SMYD3: variants seen among roughly 807,000 people sequenced by gnomAD.
SMYD3 encodes the protein SET and MYND domain containing 3.
In SMYD3, 36 loss-of-function variants were observed where a neutral mutation model predicts 57.7. The ratio of observed to expected loss-of-function variants is 0.62; its 90% confidence interval spans 0.48 to 0.82. The LOEUF is 0.82. Among genes scored for constraint, SMYD3 ranks in the 40% least tolerant of loss-of-function variants. The pLI is 0.00. For synonymous variants in SMYD3, 211 were observed against 195.0 expected (o/e 1.08, Z -0.68); for missense variants, 515 against 538.8 (o/e 0.96, Z 0.44).
intron 1 of SMYD3, among the ~76,000 whole-genome samples, chr1:246,419,509 A>T (rs2067110580): frequency 6.6e-6 from 1 of 152,170 alleles, no homozygotes; most frequent in Non-Finnish European, 1.5e-5. Flanking sequence ...GTCTTGGAAA[A>T]TGCAACATTT....
At chr1:245,816,704 G>A (rs958309354) in intron 10 of SMYD3, among the ~76,000 whole-genome samples, 1 of 152,104 alleles carries the variant, frequency 6.6e-6, no homozygotes, top group Non-Finnish European at 1.5e-5. Context: ...CCGTGCGCGA[G>A]CCGAAGCAGG....
intron 10 of SMYD3, among the ~76,000 whole-genome samples, chr1:245,852,318 AC>A (rs11301005): frequency 0.72 from 109,262 of 152,024 alleles, 40,417 homozygotes; most frequent in Middle Eastern, 0.87. Context: ...TCATTCTCAC[AC>A]CAACCAGTAG....
At chr1:245,930,313 A>AT in intron 5 of SMYD3, 1 of 360,032 alleles carries the variant, frequency 2.8e-6, no homozygotes. Context: ...CTGTATCACG[A>AT]TTTTTTCAAA....
chr1:246,358,543 A>G (rs938145886), intron 1 of SMYD3, among the ~76,000 whole-genome samples: 1 of 152,242 alleles, frequency 6.6e-6, no homozygotes, highest in Non-Finnish European at 1.5e-5. Flanking sequence ...AAAATTCTCC[A>G]AGATAGAACA....
intron 5 of SMYD3, among the ~76,000 whole-genome samples, chr1:246,160,813 G>A (rs1308402138): frequency 1.3e-5 from 2 of 152,126 alleles, no homozygotes; most frequent in Non-Finnish European, 2.9e-5. Context: ...AAGCATTGGG[G>A]AAATACTTTC....
At chr1:245,771,584 A>C (rs1432266163) in intron 10 of SMYD3, among the ~76,000 whole-genome samples, 1 of 152,204 alleles carries the variant, frequency 6.6e-6, no homozygotes, top group African/African-American at 2.4e-5. Flanking sequence ...TAGCTAGAAT[A>C]ATAGCAGAGG....
At chr1:246,123,486 G>A (rs1411079118) in intron 5 of SMYD3, among the ~76,000 whole-genome samples, 1 of 151,794 alleles carries the variant, frequency 6.6e-6, no homozygotes, top group African/African-American at 2.4e-5. Context: ...AGAATAGCTT[G>A]AACCCGGGAG....
chr1:246,278,243 A>G (rs2064372864), intron 5 of SMYD3, among the ~76,000 whole-genome samples: 1 of 80,530 alleles, frequency 1.2e-5, no homozygotes, highest in Non-Finnish European at 3.4e-5. Context: ...TCTGTTTAAG[A>G]AAAAAAAAAA....
intron 5 of SMYD3, among the ~76,000 whole-genome samples, chr1:246,039,982 A>G (rs1450924192): frequency 6.6e-6 from 1 of 152,236 alleles, no homozygotes; most frequent in Non-Finnish European, 1.5e-5. Context: ...GATTAGTACC[A>G]TTGTCTTAGC....
At chr1:245,957,088 C>T (rs913894839) in intron 5 of SMYD3, among the ~76,000 whole-genome samples, 1 of 152,196 alleles carries the variant, frequency 6.6e-6, no homozygotes, top group Non-Finnish European at 1.5e-5. Context: ...ATGTATTCAT[C>T]TGCAGCACCA....
At chr1:246,472,873 T>C (rs1229089869) in intron 1 of SMYD3, among the ~76,000 whole-genome samples, 1 of 144,212 alleles carries the variant, frequency 6.9e-6, no homozygotes, top group East Asian at 2.0e-4. Flanking sequence ...TTTTTTTTTT[T>C]TTGAGACAGA....
At chr1:246,121,948 AC>A (rs1191100510) in intron 5 of SMYD3, among the ~76,000 whole-genome samples, 1 of 149,794 alleles carries the variant, frequency 6.7e-6, no homozygotes, top group African/African-American at 2.5e-5. Flanking sequence ...TTAATACAAC[AC>A]CTACATCCTC....
intron 5 of SMYD3, among the ~76,000 whole-genome samples, chr1:246,002,258 C>T (rs904297506): frequency 7.1e-6 from 1 of 140,124 alleles, no homozygotes; most frequent in Non-Finnish European, 1.6e-5. Flanking sequence ...GATCTCGGCT[C>T]ACTGCAAGCT....
rs1211061389 is a variant in SMYD3 at position 245,808,180 on chromosome 1, C to T, written c.1077-44031G>A. ...GGTTTCCTGCAGTTGAGTTCTGGTACATTAAGCAGATAAACGCCCTTGGCT... is the reference window on the plus strand; with the variant it reads ...GGTTTCCTGCAGTTGAGTTCTGGTATATTAAGCAGATAAACGCCCTTGGCT... On this transcript the variant is annotated intron_variant, in intron 10 of 11. Transcript: ENST00000490107. Among the ~76,000 whole-genome samples the T allele has an allele frequency of 5.3e-5, 8 of 152,270 alleles. No individual in the cohort carries two copies. The East Asian group carries it at 1.2e-3, about 22-fold the overall frequency.
chr1:246,225,164 C>T (rs1055799814), intron 5 of SMYD3, among the ~76,000 whole-genome samples: 1 of 151,506 alleles, frequency 6.6e-6, no homozygotes, highest in Non-Finnish European at 1.5e-5. Context: ...GCTCAGGACT[C>T]AGCCTTTCAT....
chr1:246,440,697 A>AT (rs2067449523), intron 1 of SMYD3, among the ~76,000 whole-genome samples: 2 of 152,182 alleles, frequency 1.3e-5, no homozygotes, highest in African/African-American at 4.8e-5. Context: ...GGAAAGCCTC[A>AT]TTTTTTACTA....
chr1:246,141,185 C>T (rs1454810482), intron 5 of SMYD3, among the ~76,000 whole-genome samples: 2 of 152,166 alleles, frequency 1.3e-5, no homozygotes, highest in East Asian at 1.9e-4. Flanking sequence ...GGAGCTAATA[C>T]ATAAGGGAGC....
At chr1:245,837,278 A>C (rs1227020990) in intron 10 of SMYD3, among the ~76,000 whole-genome samples, 1 of 151,602 alleles carries the variant, frequency 6.6e-6, no homozygotes, top group East Asian at 1.9e-4. Context: ...GAGAGGAAGA[A>C]GATGAAGAAG....
intron 11 of SMYD3, among the ~76,000 whole-genome samples, chr1:245,750,658 T>G (rs190665650): frequency 1.4e-3 from 196 of 143,182 alleles, no homozygotes; most frequent in African/African-American, 4.9e-3. Flanking sequence ...AACCAGAGTA[T>G]CCTTGAAAAT....
Sources: allele counts gnomAD v4.1 joint callset (sites outside exome capture counted in the v4.1 genomes callset), GRCh38; gene constraint gnomAD v4.1.1; transcripts MANE v1.5; gene names NCBI Gene and HGNC (gene_info 2026-07-23, HGNC 2026-07-21).